Variants in NPAS2 observed in about 807,000 individuals in gnomAD.
NPAS2 encodes the protein neuronal PAS domain protein 2.
A neutral mutation model predicts 107.5 loss-of-function variants in NPAS2; 23 were observed. The ratio of observed to expected loss-of-function variants is 0.21; its 90% CI spans 0.15 to 0.30. NPAS2 has a LOEUF of 0.30. NPAS2 is among the 10% of genes least tolerant of loss of function. The probability of loss-of-function intolerance (pLI) is 1.00; values close to 1 mark genes in which losing one functional copy is unlikely to be tolerated. For synonymous variants in NPAS2, 403 were observed against 417.5 expected (o/e 0.97, Z 0.42); for missense variants, 756 against 1,043.3 (o/e 0.72, Z 3.79).
At chr2:100,865,320 C>G (rs187132560) in intron 1 of NPAS2, among the ~76,000 whole-genome samples, 1 of 152,268 alleles carries the variant, frequency 6.6e-6, no homozygotes, top group African/African-American at 2.4e-5. Context: ...GCCGCCTGAG[C>G]CAGCATGCTC....
At chr2:100,954,412 C>T (rs559164799) in intron 7 of NPAS2, among the ~76,000 whole-genome samples, 2 of 152,230 alleles carry the variant, frequency 1.3e-5, no homozygotes, top group Non-Finnish European at 2.9e-5. Context: ...CACCTGTAAT[C>T]TCAGCAATTT....
At chr2:100,823,387 T>G (rs1676188827) in intron 1 of NPAS2, among the ~76,000 whole-genome samples, 1 of 152,170 alleles carries the variant, frequency 6.6e-6, no homozygotes, top group African/African-American at 2.4e-5. Context: ...CAGAGACCAC[T>G]TGAACTTTTG....
At chr2:100,988,539 G>A (rs148817103) in intron 17 of NPAS2, 68 of 475,948 alleles carry the variant, frequency 1.4e-4, no homozygotes, top group African/African-American at 8.4e-4. Context: ...GATATCACTC[G>A]GCTGAAATGT....
At chr2:100,863,994 A>G (rs1679098040) in intron 1 of NPAS2, among the ~76,000 whole-genome samples, 1 of 152,246 alleles carries the variant, frequency 6.6e-6, no homozygotes. Flanking sequence ...TGAAATGTGA[A>G]TGAAAATATT....
intron 15 of NPAS2, 106 bp downstream of exon 15, chr2:100,977,905 G>C: frequency 1.1e-6 from 1 of 934,416 alleles, no homozygotes. Context: ...CCCTGACGTG[G>C]GGGAATGTCC....
In NPAS2 at chr2:100,993,458, C is replaced by G. The variant is rs759454041; in HGVS notation, c.2223C>G (p.Phe741Leu). 6.2e-7 allele frequency: 1 copy of G among 1,612,348 alleles called. No individual in the cohort carries two copies. The highest frequency in any genetic ancestry group is 1.3e-5 in the African/African-American group (1 of 74,894). Residue 741 changes from phenylalanine to leucine, a missense_variant, in exon 20 of 21, where the codon TTC becomes TTG. Phe to Leu is a conservative substitution (Grantham distance 22). Transcript: ENST00000335681. ...GGCAGGCGGTGCTCCACCCCAGCTT[C>G]CCTGCCTCCCAACCATCGCCCCTGC... ...LMGQAVLHPSFPASQPSPLQP... is the reference protein window; with the variant it reads ...LMGQAVLHPSLPASQPSPLQP...
chr2:100,991,737 C>CT (rs34687634), intron 19 of NPAS2, among the ~76,000 whole-genome samples: 2 of 151,908 alleles, frequency 1.3e-5, no homozygotes, highest in African/African-American at 2.4e-5. Context: ...CATGCTCGGT[C>CT]TTTTTTTGTT....
chr2:100,845,631 A>G (rs1384921227), intron 1 of NPAS2, among the ~76,000 whole-genome samples: 1 of 152,218 alleles, frequency 6.6e-6, no homozygotes, highest in Non-Finnish European at 1.5e-5. Context: ...GCAGTTTCAT[A>G]CTTGGCCATG....
chr2:100,832,931 C>A (rs958318146), intron 1 of NPAS2, among the ~76,000 whole-genome samples: 5 of 152,164 alleles, frequency 3.3e-5, no homozygotes. Context: ...CATCTCTTTG[C>A]CCATTTTGTA....
intron 20 of NPAS2, chr2:100,994,080 C>T (rs1678300814): frequency 1.3e-5 from 2 of 152,288 alleles, no homozygotes; most frequent in South Asian, 4.1e-4. Context: ...GGGTGAGAGC[C>T]ACTGGTCCGC....
chr2:100,973,777 G>A (rs965399465), intron 12 of NPAS2, among the ~76,000 whole-genome samples: 8 of 152,146 alleles, frequency 5.3e-5, no homozygotes, highest in African/African-American at 1.2e-4. Flanking sequence ...CTAGGAATGC[G>A]GCTCAGGAGG....
chr2:100,873,028 C>T (rs978718158), intron 1 of NPAS2, among the ~76,000 whole-genome samples: 26 of 151,642 alleles, frequency 1.7e-4, no homozygotes, highest in African/African-American at 5.8e-4. Context: ...ACTGGCCAGG[C>T]GCAGTGTCTC....
chr2:100,947,712 C>T (rs1674988411), intron 5 of NPAS2, among the ~76,000 whole-genome samples: 3 of 152,210 alleles, frequency 2.0e-5, no homozygotes, highest in African/African-American at 4.8e-5. Context: ...TCAATCTGAA[C>T]TCTACCTTGT....
At chr2:100,946,151 C>T (rs1222441579) in intron 5 of NPAS2, among the ~76,000 whole-genome samples, 2 of 152,212 alleles carry the variant, frequency 1.3e-5, no homozygotes, top group Non-Finnish European at 2.9e-5. Flanking sequence ...GAATGTCTGC[C>T]ACGTGCTGTT....
At chr2:100,869,373 A>G (rs1311281269) in intron 1 of NPAS2, among the ~76,000 whole-genome samples, 6 of 152,238 alleles carry the variant, frequency 3.9e-5, no homozygotes, top group Non-Finnish European at 7.3e-5. Flanking sequence ...AAATTTGACC[A>G]GGATCCTAAT....
chr2:100,935,924 T>C (rs4850953), intron 4 of NPAS2, among the ~76,000 whole-genome samples: 127,958 of 152,172 alleles, frequency 0.84, 54,185 homozygotes, highest in East Asian at 1. Flanking sequence ...AGTTCTTCGT[T>C]GTGGGGACTC....
intron 2 of NPAS2, among the ~76,000 whole-genome samples, chr2:100,912,304 G>A (rs1354185108): frequency 3.3e-5 from 5 of 151,790 alleles, no homozygotes; most frequent in Admixed American, 6.6e-5. Flanking sequence ...GAGAAGCCTA[G>A]TGCTGCACCC....
intron 1 of NPAS2, among the ~76,000 whole-genome samples, chr2:100,881,809 G>A (rs1158766483): frequency 1.3e-5 from 2 of 152,196 alleles, no homozygotes; most frequent in Admixed American, 6.5e-5. Flanking sequence ...AAGTCCAGGC[G>A]CAGAGGGCTT....
intron 1 of NPAS2, among the ~76,000 whole-genome samples, chr2:100,837,099 T>C (rs1476789084): frequency 6.6e-6 from 1 of 152,090 alleles, no homozygotes; most frequent in Non-Finnish European, 1.5e-5. Context: ...GAGTTATTAA[T>C]GTTCTAGGAC....
Sources: gnomAD v4.1 joint callset for allele counts (sites outside exome capture counted in the v4.1 genomes callset) on GRCh38, gnomAD v4.1.1 for gene constraint, MANE v1.5 for transcripts, NCBI Gene and HGNC (gene_info 2026-07-23, HGNC 2026-07-21) for gene names.